The following TOR1AIP1 variants were observed in gnomAD, a reference collection of about 807,000 sequenced individuals.
TOR1AIP1 encodes torsin-1A-interacting protein 1.
Under a neutral mutation model 63.3 loss-of-function variants are expected in TOR1AIP1, and 54 were observed. The observed-to-expected ratio is 0.85, with a 90% CI of 0.69 to 1.07. The LOEUF (loss-of-function observed/expected upper bound fraction) is 1.07, where lower values mean the gene tolerates loss of function less well. Among genes scored for constraint, TOR1AIP1 ranks in the 50% least tolerant of loss-of-function variants. The probability of loss-of-function intolerance (pLI) is 0.00; values close to 1 mark genes in which losing one functional copy is unlikely to be tolerated. For synonymous variants in TOR1AIP1, 294 were observed against 273.5 expected, an observed-to-expected ratio of 1.07 and a Z score of -0.74; for missense variants, 736 against 715.0, an observed-to-expected ratio of 1.03 and a Z score of -0.33.
At chr1:179,884,862 C>A in intron 2 of TOR1AIP1, 93 bp downstream of exon 2, 2 of 949,668 alleles carry the variant, frequency 2.1e-6, no homozygotes, top group South Asian at 1.7e-5. Flanking sequence ...AAAGAAAAGA[C>A]AAGGGCAGAC....
chr1:179,886,828 A>G (rs1647922818), intron 2 of TOR1AIP1, among the ~76,000 whole-genome samples: 1 of 152,182 alleles, frequency 6.6e-6, no homozygotes, highest in African/African-American at 2.4e-5. Flanking sequence ...GTGCTTTTAT[A>G]CTACATCTAA....
chr1:179,919,045 C>T lies in TOR1AIP1; in HGVS notation c.*806C>T, dbSNP rs1649110273. The T allele has an allele frequency of 1.3e-5, 2 of 152,170 alleles. No homozygotes were observed. Among genetic ancestry groups the T allele is most frequent in the Non-Finnish European group, 2.9e-5 (2 of 68,070 alleles). 9.4% of individuals were successfully genotyped at this position (152,170 alleles called of 1,614,324 possible). On this transcript the variant is annotated 3_prime_UTR_variant, in exon 10 of 10. Coordinates refer to ENST00000606911, the MANE Select transcript of TOR1AIP1 (RefSeq NM_015602.4). ...AGGTCAGGCCAAGGCAGGTGGATCA[C>T]CTGAGGTCAGAAGTTCAAGACCAGC... is the stretch of plus-strand genomic sequence containing the variant.
chr1:179,890,483 A>G (rs1036215493), intron 3 of TOR1AIP1, among the ~76,000 whole-genome samples: 1 of 152,210 alleles, frequency 6.6e-6, no homozygotes, highest in Non-Finnish European at 1.5e-5. Context: ...ACCTGTGGTA[A>G]AGAACCATAT....
In TOR1AIP1 at chr1:179,919,510, A is replaced by C. The variant is rs1649128361; in HGVS notation, c.*1271A>C. On this transcript the variant is annotated 3_prime_UTR_variant, in exon 10 of 10. Coordinates refer to ENST00000606911, the MANE Select transcript of TOR1AIP1 (RefSeq NM_015602.4). ...TACATTTTATGGAGTGCCTCAAGCC[A>C]AGATAGTGAATTTATATGAAGGGTG... The C allele has an allele frequency of 6.6e-6, 1 of 152,206 alleles. No individual in the cohort carries two copies. The highest frequency in any genetic ancestry group is 2.1e-4 in the South Asian group (1 of 4,834). The allele number at this position is 152,206 out of a possible 1,614,324, so 9.4% of individuals were successfully genotyped here.
intron 5 of TOR1AIP1, among the ~76,000 whole-genome samples, chr1:179,903,091 T>G (rs1336413712): frequency 1.3e-5 from 2 of 151,974 alleles, no homozygotes; most frequent in African/African-American, 4.8e-5. Flanking sequence ...TTAAACTAAT[T>G]TAGTTATAAA....
At chr1:179,886,994 C>T (rs929290778) in intron 2 of TOR1AIP1, among the ~76,000 whole-genome samples, 1 of 152,194 alleles carries the variant, frequency 6.6e-6, no homozygotes, top group Admixed American at 6.5e-5. Flanking sequence ...AGCCCTTCTT[C>T]CTCATAGAAT....
At chr1:179,884,320 CT>C (rs1000574299) in intron 1 of TOR1AIP1, among the ~76,000 whole-genome samples, 2 of 151,788 alleles carry the variant, frequency 1.3e-5, no homozygotes, top group Non-Finnish European at 2.9e-5. Context: ...TACAGGCTAA[CT>C]TTTTTTTAAC....
intron 1 of TOR1AIP1, chr1:179,883,495 G>A (rs779735283): frequency 3.1e-5 from 12 of 391,616 alleles, no homozygotes; most frequent in Non-Finnish European, 5.7e-5. Flanking sequence ...AGGGATTGCT[G>A]AGTTTAGTGA....
At chr1:179,907,913 CTTTT>C (rs34218138) in intron 7 of TOR1AIP1, 49 bp downstream of exon 7, 515 of 355,822 alleles carry the variant, frequency 1.4e-3, no homozygotes, top group East Asian at 2.1e-3. Context: ...ATTCTTTTCT[CTTTT>C]TTTTTTTTTT....
At chr1:179,890,444 G>A (rs1648034962) in intron 3 of TOR1AIP1, among the ~76,000 whole-genome samples, 1 of 152,188 alleles carries the variant, frequency 6.6e-6, no homozygotes, top group Admixed American at 6.5e-5. Context: ...TATTCCAGTG[G>A]TAAAGATCTA....
intron 3 of TOR1AIP1, among the ~76,000 whole-genome samples, chr1:179,895,724 A>G (rs1335597777): frequency 1.3e-5 from 2 of 152,042 alleles, no homozygotes; most frequent in Non-Finnish European, 2.9e-5. Flanking sequence ...ACATGGCGAA[A>G]CCCCGTCTCT....
At chr1:179,897,560 T>C (rs1648326716) in intron 3 of TOR1AIP1, among the ~76,000 whole-genome samples, 1 of 152,210 alleles carries the variant, frequency 6.6e-6, no homozygotes, top group South Asian at 2.1e-4. Flanking sequence ...TTCTGATAGC[T>C]CAACAAATGA....
At chr1:179,891,916 T>C (rs1231625617) in intron 3 of TOR1AIP1, among the ~76,000 whole-genome samples, 1 of 152,198 alleles carries the variant, frequency 6.6e-6, no homozygotes, top group Non-Finnish European at 1.5e-5. Context: ...GCGAGTTCAG[T>C]GTCCTTTGCT....
At chr1:179,904,825 A>G (rs1051492368) in intron 6 of TOR1AIP1, 3 of 152,258 alleles carry the variant, frequency 2.0e-5, no homozygotes, top group Non-Finnish European at 4.4e-5. Context: ...GAGTCTCACT[A>G]TCTTGCTCAG....
chr1:179,884,790 GT>G, intron 2 of TOR1AIP1, 21 bp downstream of exon 2: 2 of 1,568,874 alleles, frequency 1.3e-6, no homozygotes, highest in Admixed American at 1.9e-5. Context: ...TTAACTTTTT[GT>G]TTTTCTCCTT....
At position 179,882,743 on chromosome 1, in the gene TOR1AIP1, G is replaced by A. The variant is rs376847458; in HGVS notation, c.241G>A (p.Val81Met). 1.9e-5 allele frequency: 30 copies of A among 1,614,082 alleles called. No individual in the cohort carries two copies. The highest frequency in any genetic ancestry group is 2.3e-5 in the Non-Finnish European group (27 of 1,180,044). Residue 81 changes from valine (V) to methionine (M), a missense_variant, in exon 1 of 10, where the codon GTG (valine) becomes ATG (methionine). Around this residue, in one of 2 missense-constraint regions of TOR1AIP1, gnomAD observed 464 missense variants for 371.0 expected, o/e 1.25. Coordinates refer to ENST00000606911, the MANE Select transcript of TOR1AIP1 (RefSeq NM_015602.4). The stretch of plus-strand genomic sequence containing the variant: ...CCTGGTGGCCAAAGAAAGGTCCCCG[G>A]TGGGAAAACGAACCCGGCTAGAAGA... ...EPLVAKERSP[V>M]GKRTRLEEFR...
intron 3 of TOR1AIP1, among the ~76,000 whole-genome samples, chr1:179,899,761 C>T (rs1373815754): frequency 6.6e-6 from 1 of 152,190 alleles, no homozygotes; most frequent in East Asian, 1.9e-4. Context: ...TCTCCTGCCT[C>T]AGCCTCCCGA....
chr1:179,883,126 C>T (rs1326820671), intron 1 of TOR1AIP1, 149 bp downstream of exon 1: 1 of 731,762 alleles, frequency 1.4e-6, no homozygotes. Flanking sequence ...CTTGTGCCGC[C>T]GTGCAAGGGC....
Position 179,902,173 on chromosome 1 carries a change from G to A in TOR1AIP1, c.739+785G>A, listed in dbSNP as rs147249294. On this transcript the variant is annotated intron_variant, in intron 5 of 9. Coordinates refer to ENST00000606911, the MANE Select transcript of TOR1AIP1 (RefSeq NM_015602.4). ...CCCAAGCAGGTGGGATTACAGGTGCGCACCACCACATCTGGCTAATTTTTG... is the reference window on the plus strand; with the variant it reads ...CCCAAGCAGGTGGGATTACAGGTGCACACCACCACATCTGGCTAATTTTTG... 4.2e-3 allele frequency among the ~76,000 whole-genome samples: 627 copies of A among 151,060 alleles called. 5 individuals carry two copies. Among genetic ancestry groups the A allele is most frequent in the African/African-American group, 0.014 (580 of 41,138 alleles).
Sources: gnomAD v4.1 joint callset for allele counts (sites outside exome capture counted in the v4.1 genomes callset) on GRCh38, gnomAD v4.1.1 for gene constraint, gnomAD v4.1.1 regional missense constraint, MANE v1.5 for transcripts, NCBI Gene and HGNC (gene_info 2026-07-23, HGNC 2026-07-21) for gene names.